Variants in XRCC4 observed in about 807,000 individuals in gnomAD.
XRCC4 encodes X-ray repair cross complementing 4, also known as DNA repair protein XRCC4.
Under a neutral mutation model 39.1 loss-of-function variants are expected in XRCC4, and 28 were observed. The observed-to-expected ratio is 0.72, with a 90% confidence interval of 0.53 to 0.98. XRCC4 has a LOEUF of 0.98. Ranked by LOEUF, XRCC4 falls within the 50% of genes least tolerant of loss-of-function variation. The probability of loss-of-function intolerance (pLI) is 0.00; values close to 1 mark genes in which losing one functional copy is unlikely to be tolerated. For missense variants in XRCC4, 350 were observed against 376.4 expected (o/e 0.93, Z 0.58); for synonymous variants, 123 against 126.4 (o/e 0.97, Z 0.18).
chr5:83,125,230 G>C (rs1333724112), intron 3 of XRCC4, among the ~76,000 whole-genome samples: 1 of 152,014 alleles, frequency 6.6e-6, no homozygotes, highest in African/African-American at 2.4e-5. Flanking sequence ...GTCTCTTGCT[G>C]GTCTGATCAT....
At chr5:83,192,297 C>T (rs900196308) in intron 3 of XRCC4, among the ~76,000 whole-genome samples, 12 of 128,302 alleles carry the variant, frequency 9.4e-5, no homozygotes, top group Admixed American at 2.3e-4. Flanking sequence ...CGTATGTATA[C>T]GTATATATAA....
chr5:83,282,174 G>T (rs1580461904), intron 7 of XRCC4, among the ~76,000 whole-genome samples: 1 of 152,194 alleles, frequency 6.6e-6, no homozygotes, highest in Non-Finnish European at 1.5e-5. Context: ...TATGGCAAAT[G>T]GTTTGGGGAG....
chr5:83,264,833 G>A (rs1022754493), intron 7 of XRCC4, among the ~76,000 whole-genome samples: 1 of 152,056 alleles, frequency 6.6e-6, no homozygotes, highest in African/African-American at 2.4e-5. Context: ...TTTGAGATAT[G>A]TAATACTTTA....
intron 7 of XRCC4, among the ~76,000 whole-genome samples, chr5:83,321,982 A>G (rs1390755397): frequency 6.7e-6 from 1 of 150,222 alleles, no homozygotes; most frequent in Non-Finnish European, 1.5e-5. Context: ...TCTAGTATGT[A>G]TCATTTAAAA....
At chr5:83,326,263 C>T (rs867163629) in intron 7 of XRCC4, among the ~76,000 whole-genome samples, 14 of 151,910 alleles carry the variant, frequency 9.2e-5, no homozygotes, top group Admixed American at 3.9e-4. Context: ...TTAAGTAGAC[C>T]CCGTTTGTCA....
chr5:83,337,641 C>CT (rs1304973743), intron 7 of XRCC4, among the ~76,000 whole-genome samples: 1 of 152,146 alleles, frequency 6.6e-6, no homozygotes, highest in Non-Finnish European at 1.5e-5. Flanking sequence ...AGCTAAGACA[C>CT]TAACACCTTG....
intron 3 of XRCC4, among the ~76,000 whole-genome samples, chr5:83,127,195 T>A (rs1316809395): frequency 6.6e-6 from 1 of 152,084 alleles, no homozygotes; most frequent in Non-Finnish European, 1.5e-5. Context: ...TTTGGGGGGC[T>A]AGGGGTGGAA....
downstream of XRCC4, among the ~76,000 whole-genome samples, chr5:83,356,991 C>CT (rs1378379857): frequency 1.3e-5 from 2 of 152,158 alleles, no homozygotes; most frequent in Non-Finnish European, 2.9e-5. Context: ...CAAGAAACTA[C>CT]TTTGGAAAAG....
the XRCC4 span, among the ~76,000 whole-genome samples, chr5:83,363,994 C>A: frequency 6.6e-5 from 10 of 152,224 alleles, no homozygotes; most frequent in Middle Eastern, 3.4e-3. Flanking sequence ...ACAAAGGTAC[C>A]AGATCTGGAT....
chr5:83,160,304 G>A (rs1013081865), intron 3 of XRCC4, among the ~76,000 whole-genome samples: 1 of 152,100 alleles, frequency 6.6e-6, no homozygotes, highest in Non-Finnish European at 1.5e-5. Flanking sequence ...ATGCATATGA[G>A]TGTACAACAA....
At chr5:83,146,504 A>T (rs1056013515) in intron 3 of XRCC4, among the ~76,000 whole-genome samples, 6 of 152,182 alleles carry the variant, frequency 3.9e-5, no homozygotes, top group Non-Finnish European at 8.8e-5. Context: ...CAGAGAAAAT[A>T]GATTTCTCAA....
chr5:83,298,230 G>GAAA (rs527807854), intron 7 of XRCC4, among the ~76,000 whole-genome samples: 1 of 143,096 alleles, frequency 7.0e-6, no homozygotes, highest in African/African-American at 2.5e-5. Flanking sequence ...TATGTGTGTT[G>GAAA]AAAAAAAAAA....
intron 6 of XRCC4, among the ~76,000 whole-genome samples, chr5:83,254,055 A>G (rs568661133): frequency 6.6e-6 from 1 of 151,890 alleles, no homozygotes; most frequent in Admixed American, 6.6e-5. Flanking sequence ...TTCCAGCTGT[A>G]GTAAGTTAAT....
chr5:83,293,191 C>T (rs777949483), intron 7 of XRCC4, among the ~76,000 whole-genome samples: 8 of 151,908 alleles, frequency 5.3e-5, no homozygotes, highest in African/African-American at 1.7e-4. Context: ...ATTCTTTACT[C>T]TTTCTTATTT....
chr5:83,157,698 T>C (rs1235921621), intron 3 of XRCC4, among the ~76,000 whole-genome samples: 2 of 151,826 alleles, frequency 1.3e-5, no homozygotes. Flanking sequence ...AAATATAGAA[T>C]GGTAAAACAT....
At chr5:83,097,164 A>G (rs2112340930) in intron 1 of XRCC4, among the ~76,000 whole-genome samples, 1 of 152,336 alleles carries the variant, frequency 6.6e-6, no homozygotes, top group Middle Eastern at 3.4e-3. Context: ...GAAGCGTGGG[A>G]AATAAATATG....
intron 7 of XRCC4, among the ~76,000 whole-genome samples, chr5:83,276,966 C>T (rs903035754): frequency 1.3e-5 from 2 of 151,910 alleles, no homozygotes; most frequent in Non-Finnish European, 2.9e-5. Flanking sequence ...TGGGATGTAA[C>T]CCATCATAAG....
intron 1 of XRCC4, among the ~76,000 whole-genome samples, chr5:83,098,198 C>T (rs1055439049): frequency 2.0e-5 from 3 of 152,100 alleles, no homozygotes; most frequent in Admixed American, 1.3e-4. Context: ...GTGACCTCAA[C>T]CAAGAGGCCT....
In XRCC4 at chr5:83,347,893, TCTC is replaced by T. The variant is rs1440678209; in HGVS notation, c.894-5235_894-5233del. Among the ~76,000 whole-genome samples, 3 of 152,222 alleles carry T rather than the reference TCTC, an allele frequency of 2.0e-5. No homozygotes were observed. The East Asian group carries it at 5.8e-4, about 29-fold the overall frequency. ...ATGGGATTACAAGCATTGGGTAAGT[TCTC>T]CTATTCTAAGTGAGAGAAATTGGCT... On this transcript the variant is annotated intron_variant, in intron 7 of 7. Coordinates refer to ENST00000396027, the MANE Select transcript of XRCC4 (RefSeq NM_003401.5).
Sources: gnomAD v4.1 joint callset for allele counts (sites outside exome capture counted in the v4.1 genomes callset) on GRCh38, gnomAD v4.1.1 for gene constraint, MANE v1.5 for transcripts, NCBI Gene and HGNC (gene_info 2026-07-23, HGNC 2026-07-21) for gene names.